PCYT1B: variants seen among roughly 807,000 people sequenced by gnomAD.
The protein encoded by PCYT1B is phosphate cytidylyltransferase 1B, choline, also known as choline-phosphate cytidylyltransferase B.
Under a neutral mutation model 26.4 loss-of-function variants are expected in PCYT1B, and 10 were observed. The observed-to-expected ratio is 0.38, with a 90% confidence interval of 0.23 to 0.64. PCYT1B has a LOEUF of 0.64. PCYT1B is among the 30% of genes least tolerant of loss of function. The probability of loss-of-function intolerance (pLI) is 0.56; values close to 1 mark genes in which losing one functional copy is unlikely to be tolerated. For missense variants in PCYT1B, 161 were observed against 292.7 expected, an observed-to-expected ratio of 0.55 and a Z score of 3.28; for synonymous variants, 131 against 108.4, an observed-to-expected ratio of 1.21 and a Z score of -1.29.
intron 7 of PCYT1B, among the ~76,000 whole-genome samples, chrX:24,571,289 G>A (rs1181460877): frequency 9.0e-6 from 1 of 111,078 alleles, no homozygotes; most frequent in Non-Finnish European, 1.9e-5. Flanking sequence ...ACTTGAGCCC[G>A]GGAGGCAGAG....
At chrX:24,580,529 C>T (rs1192145669) in intron 5 of PCYT1B, among the ~76,000 whole-genome samples, 1 of 111,998 alleles carries the variant, frequency 8.9e-6, no homozygotes, top group Non-Finnish European at 1.9e-5. Flanking sequence ...CTCAAAGGCC[C>T]TTTCATCTAG....
chrX:24,581,584 A>T (rs1289484520), intron 5 of PCYT1B, among the ~76,000 whole-genome samples: 2 of 112,047 alleles, frequency 1.8e-5, no homozygotes, highest in Non-Finnish European at 3.8e-5. Flanking sequence ...CTTCCCATGG[A>T]CCACTCCCCT....
upstream of PCYT1B, among the ~76,000 whole-genome samples, chrX:24,651,469 A>AG (rs1926769041): frequency 2.5e-5 from 1 of 39,562 alleles, no homozygotes; most frequent in Non-Finnish European, 4.2e-5. Context: ...AAAAAAAAAA[A>AG]AAAATATATA....
At chrX:24,595,753 C>T (rs1009266999) in intron 3 of PCYT1B, among the ~76,000 whole-genome samples, 5 of 110,091 alleles carry the variant, frequency 4.5e-5, no homozygotes, top group African/African-American at 1.7e-4. Flanking sequence ...TAGTGGTGCA[C>T]GCCTGTAATT....
At chrX:24,633,294 G>A (rs1926165745) in intron 1 of PCYT1B, among the ~76,000 whole-genome samples, 1 of 108,689 alleles carries the variant, frequency 9.2e-6, no homozygotes, top group Non-Finnish European at 1.9e-5. Flanking sequence ...TCAAGGTGAT[G>A]GACACCCTAA....
chrX:24,591,044 C>T (rs1310430353), intron 3 of PCYT1B, among the ~76,000 whole-genome samples: 5 of 110,501 alleles, frequency 4.5e-5, no homozygotes, highest in African/African-American at 1.3e-4. Context: ...CCACCCACCT[C>T]GGGCTCCCAA....
chrX:24,637,509 T>TATAA lies in PCYT1B; in HGVS notation c.117+9476_117+9479dup, dbSNP rs1555963553. Reference sequence around the variant, plus strand: ...AAAAAAAAATATATATATATATATATATAAATTAGCTGAGCGTGGTGGCGT... The same window carrying TATAA: ...AAAAAAAAATATATATATATATATATATAAATAAATTAGCTGAGCGTGGTGGCGT... On this transcript the variant is annotated intron_variant, in intron 1 of 7. Coordinates refer to ENST00000379144, the MANE Select transcript of PCYT1B (RefSeq NM_004845.5). 8.8e-3 allele frequency among the ~76,000 whole-genome samples: 562 copies of TATAA among 64,069 alleles called. 46 individuals are homozygous for TATAA. The highest frequency in any genetic ancestry group is 0.019 in the Middle Eastern group (3 of 155). The allele number at this position is 64,069 out of a possible 115,157, so 55.6% of individuals were successfully genotyped here.
intron 1 of PCYT1B, among the ~76,000 whole-genome samples, chrX:24,641,725 G>A (rs946778726): frequency 8.9e-6 from 1 of 112,112 alleles, no homozygotes; most frequent in Admixed American, 9.5e-5. Flanking sequence ...TTTTTATATT[G>A]CATGCTGACA....
intron 1 of PCYT1B, among the ~76,000 whole-genome samples, chrX:24,637,491 AAT>A (rs1555963533): frequency 5.7e-5 from 3 of 52,868 alleles, no homozygotes; most frequent in African/African-American, 1.5e-4. Flanking sequence ...AAAAAAAAAA[AAT>A]ATATATATAT....
At chrX:24,565,206 G>C (rs1439049465) in intron 7 of PCYT1B, among the ~76,000 whole-genome samples, 1 of 110,491 alleles carries the variant, frequency 9.1e-6, no homozygotes. Context: ...TGCTGCCTGG[G>C]GTCTTTCAAT....
intron 2 of PCYT1B, among the ~76,000 whole-genome samples, chrX:24,615,645 G>C (rs112555369): frequency 0.047 from 5,164 of 110,890 alleles, 142 homozygotes; most frequent in East Asian, 0.19. Context: ...TGTACTTTTA[G>C]TAGAAACAGG....
At chrX:24,628,996 C>T (rs1285956118) in intron 1 of PCYT1B, among the ~76,000 whole-genome samples, 2 of 111,807 alleles carry the variant, frequency 1.8e-5, no homozygotes, top group East Asian at 2.8e-4. Context: ...CACATTACAA[C>T]GTATGAAAGC....
At chrX:24,651,584 G>C (rs1327958171), upstream of PCYT1B, among the ~76,000 whole-genome samples, 1 of 95,020 alleles carries the variant, frequency 1.1e-5, no homozygotes, top group Non-Finnish European at 2.1e-5. Flanking sequence ...AGACTGGAGT[G>C]CAGTCACGTG....
intron 1 of PCYT1B, among the ~76,000 whole-genome samples, chrX:24,669,497 C>G (rs1199480079): frequency 2.3e-5 from 1 of 43,010 alleles, no homozygotes; most frequent in Non-Finnish European, 3.6e-5. Flanking sequence ...GAGACTTCGT[C>G]TCAGAAAAAA....
chrX:24,669,585 T>G (rs1412712146), intron 1 of PCYT1B, among the ~76,000 whole-genome samples: 14 of 108,333 alleles, frequency 1.3e-4, no homozygotes, highest in African/African-American at 4.7e-4. Context: ...TTTTAAGTAA[T>G]TAAAATTCTA....
intron 6 of PCYT1B, 74 bp downstream of exon 6, chrX:24,579,242 G>A: frequency 9.6e-7 from 1 of 1,038,524 alleles, no homozygotes; most frequent in East Asian, 3.1e-5. Flanking sequence ...CTTAGTAAGT[G>A]CTCAATAAAC....
At chrX:24,631,260 T>C (rs761852270) in intron 1 of PCYT1B, among the ~76,000 whole-genome samples, 5 of 111,645 alleles carry the variant, frequency 4.5e-5, no homozygotes, top group East Asian at 2.8e-4. Flanking sequence ...CCATAGTGCC[T>C]TCCATGTAAG....
At chrX:24,672,190 A>G (rs776539164) in intron 1 of PCYT1B, among the ~76,000 whole-genome samples, 1 of 112,369 alleles carries the variant, frequency 8.9e-6, no homozygotes, top group East Asian at 2.8e-4. Context: ...TATTCTAATC[A>G]GGATTTTGTG....
chrX:24,654,916 C>T (rs1169807963), intron 1 of PCYT1B, among the ~76,000 whole-genome samples: 1 of 110,441 alleles, frequency 9.1e-6, no homozygotes, highest in Non-Finnish European at 1.9e-5. Context: ...AGCCACTTTC[C>T]CAGTTGTCCA....
Sources: gnomAD v4.1 joint callset for allele counts (sites outside exome capture counted in the v4.1 genomes callset) on GRCh38, gnomAD v4.1.1 for gene constraint, MANE v1.5 for transcripts, NCBI Gene and HGNC (gene_info 2026-07-23, HGNC 2026-07-21) for gene names.